The following PRKG1 variants were observed in gnomAD, a reference collection of about 807,000 sequenced individuals.
PRKG1 encodes protein kinase cGMP-dependent 1.
PRKG1 carries 35 observed loss-of-function variants against 88.1 expected under a neutral mutation model. The ratio of observed to expected loss-of-function variants is 0.40; its 90% CI spans 0.30 to 0.53. The LOEUF is 0.53. PRKG1 is among the 20% of genes least tolerant of loss of function. PRKG1 has a pLI of 0.59. For synonymous variants in PRKG1, 303 were observed against 292.5 expected, an observed-to-expected ratio of 1.04 and a Z score of -0.37; for missense variants, 540 against 839.8, an observed-to-expected ratio of 0.64 and a Z score of 4.41.
At chr10:52,194,024 G>A (rs879473341) in intron 9 of PRKG1, among the ~76,000 whole-genome samples, 5 of 152,072 alleles carry the variant, frequency 3.3e-5, no homozygotes, top group African/African-American at 9.7e-5. Flanking sequence ...AGATCAAAAT[G>A]TATGTATTAA....
At chr10:51,960,322 A>G (rs1422923122) in intron 5 of PRKG1, among the ~76,000 whole-genome samples, 1 of 152,138 alleles carries the variant, frequency 6.6e-6, no homozygotes, top group Non-Finnish European at 1.5e-5. Flanking sequence ...TAGATGTGAA[A>G]CTGGGTTAGT....
intron 5 of PRKG1, among the ~76,000 whole-genome samples, chr10:52,039,665 A>G (rs1589548167): frequency 6.6e-6 from 1 of 152,066 alleles, no homozygotes; most frequent in African/African-American, 2.4e-5. Flanking sequence ...ACCACACCAT[A>G]ACCTAGGAAG....
intron 9 of PRKG1, among the ~76,000 whole-genome samples, chr10:52,183,046 C>G (rs1436423107): frequency 6.6e-6 from 1 of 152,158 alleles, no homozygotes; most frequent in East Asian, 1.9e-4. Flanking sequence ...TTTAAACAAT[C>G]AGATCTCATG....
intron 3 of PRKG1, among the ~76,000 whole-genome samples, chr10:51,795,428 AAACT>A (rs1373290398): frequency 2.0e-5 from 3 of 152,146 alleles, no homozygotes; most frequent in African/African-American, 4.8e-5. Context: ...TATATCCTCC[AAACT>A]AACTGTGAGG....
chr10:51,438,986 C>A (rs894200658), intron 2 of PRKG1, among the ~76,000 whole-genome samples: 1 of 149,082 alleles, frequency 6.7e-6, no homozygotes. Flanking sequence ...CACCTGGAAC[C>A]AACAACTAAT....
intron 3 of PRKG1, among the ~76,000 whole-genome samples, chr10:51,746,743 GAAAAAAAGAAAAGAAAGAA>G (rs962624156): frequency 5.0e-5 from 7 of 140,660 alleles, no homozygotes; most frequent in South Asian, 4.5e-4. Context: ...AAAAGAAAAA[GAAAAAAAGAAAAGAAAGAA>G]AAAAAAAGAA....
At chr10:51,776,911 T>G (rs1564642418) in intron 3 of PRKG1, among the ~76,000 whole-genome samples, 1 of 152,184 alleles carries the variant, frequency 6.6e-6, no homozygotes, top group East Asian at 1.9e-4. Context: ...CTTAGATGTT[T>G]GGAAATCCTA....
intron 5 of PRKG1, among the ~76,000 whole-genome samples, chr10:51,991,458 G>A (rs547986809): frequency 2.1e-4 from 32 of 151,912 alleles, no homozygotes; most frequent in Non-Finnish European, 3.2e-4. Flanking sequence ...GTGTACATGC[G>A]CCATGTTGGT....
At chr10:51,771,247 G>A (rs1440915082) in intron 3 of PRKG1, among the ~76,000 whole-genome samples, 3 of 152,088 alleles carry the variant, frequency 2.0e-5, no homozygotes. Flanking sequence ...TAATCTTATG[G>A]GACCACCATT....
chr10:52,133,691 A>C (rs1462263968), intron 7 of PRKG1, 149 bp from the exon 8 acceptor site: 5 of 590,292 alleles, frequency 8.5e-6, no homozygotes, highest in Non-Finnish European at 1.4e-5. Context: ...CCTCAAAAAA[A>C]ATTTTGAAAC....
rs201878824 is a variant in PRKG1 at position 52,238,612 on chromosome 10, C to A, written c.1077-12958C>A. The stretch of plus-strand genomic sequence containing the variant: ...CCATCAGAGAAATGCAAATCAAAAC[C>A]ACTATGAAATACCATCTCACACCAG... On this transcript the variant is annotated intron_variant, in intron 9 of 17. Transcript: ENST00000373980. 1.8e-3 allele frequency among the ~76,000 whole-genome samples: 263 copies of A among 146,000 alleles called. 2 individuals carry two copies. The East Asian group carries it at 0.023, about 13-fold the overall frequency.
intron 5 of PRKG1, among the ~76,000 whole-genome samples, chr10:51,982,352 AG>A (rs1844031218): frequency 6.6e-6 from 1 of 151,996 alleles, no homozygotes; most frequent in African/African-American, 2.4e-5. Context: ...CTTTTGCCGG[AG>A]GGGTAGCGCA....
chr10:52,024,050 T>A (rs1038429261), intron 5 of PRKG1, among the ~76,000 whole-genome samples: 3 of 152,146 alleles, frequency 2.0e-5, no homozygotes, highest in Non-Finnish European at 4.4e-5. Context: ...TTTTAGGTCT[T>A]ATGTTTAAGT....
intron 1 of PRKG1, among the ~76,000 whole-genome samples, chr10:51,094,956 C>T (rs1207369024): frequency 6.6e-6 from 1 of 152,154 alleles, no homozygotes; most frequent in Non-Finnish European, 1.5e-5. Context: ...ATCAAAGTCA[C>T]AGCGTAGTAT....
chr10:51,866,725 A>C (rs1034427031), intron 4 of PRKG1, among the ~76,000 whole-genome samples: 1 of 152,148 alleles, frequency 6.6e-6, no homozygotes, highest in Non-Finnish European at 1.5e-5. Flanking sequence ...AAATACCACA[A>C]ATTCTGTTTA....
At chr10:51,414,274 T>C (rs1190748053) in intron 2 of PRKG1, among the ~76,000 whole-genome samples, 1 of 152,122 alleles carries the variant, frequency 6.6e-6, no homozygotes, top group Non-Finnish European at 1.5e-5. Context: ...AAAATAAGAA[T>C]GATGGGTAGG....
chr10:51,312,316 A>G (rs990716716), intron 2 of PRKG1, among the ~76,000 whole-genome samples: 1 of 152,178 alleles, frequency 6.6e-6, no homozygotes, highest in East Asian at 1.9e-4. Context: ...AATAGCTGGA[A>G]AATGAAAACT....
chr10:51,540,441 G>T (rs1489342874), intron 3 of PRKG1, among the ~76,000 whole-genome samples: 1 of 152,156 alleles, frequency 6.6e-6, no homozygotes, highest in Non-Finnish European at 1.5e-5. Context: ...CAAAGTAGTA[G>T]TGACAACCAG....
At chr10:51,300,911 C>T (rs984872511) in intron 2 of PRKG1, among the ~76,000 whole-genome samples, 1 of 152,210 alleles carries the variant, frequency 6.6e-6, no homozygotes, top group Non-Finnish European at 1.5e-5. Context: ...GTCTGCCTTT[C>T]TTTTCCTGTA....
Sources: allele counts gnomAD v4.1 joint callset (sites outside exome capture counted in the v4.1 genomes callset), GRCh38; gene constraint gnomAD v4.1.1; transcripts MANE v1.5; gene names NCBI Gene and HGNC (gene_info 2026-07-23, HGNC 2026-07-21).